LAMA2: variants seen among roughly 807,000 people sequenced by gnomAD.
The protein encoded by LAMA2 is laminin subunit alpha 2.
Under a neutral mutation model 364.8 loss-of-function variants are expected in LAMA2, and 269 were observed. That is an observed-to-expected ratio of 0.74 (90% confidence interval 0.67 to 0.82). The LOEUF (loss-of-function observed/expected upper bound fraction) is 0.82. LAMA2 is among the 40% of genes least tolerant of loss of function. LAMA2 has a pLI of 0.00. For missense variants in LAMA2, 3,807 were observed against 3,873.2 expected, an observed-to-expected ratio of 0.98 and a Z score of 0.45; for synonymous variants, 1,379 against 1,370.6, an observed-to-expected ratio of 1.01 and a Z score of -0.14.
At chr6:129,225,923 T>G (rs1784233397) in intron 12 of LAMA2, among the ~76,000 whole-genome samples, 1 of 152,222 alleles carries the variant, frequency 6.6e-6, no homozygotes, top group Admixed American at 6.5e-5. Context: ...TGTCTAATGT[T>G]GACAGTGGGG....
intron 1 of LAMA2, among the ~76,000 whole-genome samples, chr6:128,965,372 T>G (rs894410462): frequency 5.9e-5 from 9 of 152,100 alleles, no homozygotes; most frequent in Admixed American, 4.6e-4. Context: ...TAAAACTCTT[T>G]AAATACTAAT....
intron 3 of LAMA2, among the ~76,000 whole-genome samples, chr6:129,095,879 C>T (rs758460165): frequency 4.7e-4 from 71 of 151,704 alleles, no homozygotes; most frequent in Middle Eastern, 3.4e-3. Context: ...GCCAAGCTTG[C>T]GCCATTGCAC....
At chr6:129,420,492 G>A (rs1365856307) in intron 40 of LAMA2, among the ~76,000 whole-genome samples, 1 of 151,976 alleles carries the variant, frequency 6.6e-6, no homozygotes, top group Admixed American at 6.6e-5. Flanking sequence ...ATTAACCCCT[G>A]TGGAAATGTG....
At chr6:129,383,865 T>C (rs1778834553) in intron 35 of LAMA2, among the ~76,000 whole-genome samples, 1 of 152,204 alleles carries the variant, frequency 6.6e-6, no homozygotes, top group African/African-American at 2.4e-5. Flanking sequence ...ACCTAGTCCT[T>C]AAATATCTGT....
rs371245638 is a variant in LAMA2 at position 129,255,036 on chromosome 6, A to G, written c.2096+2741A>G. ...CAATGAAATGTGGTAGAAATGATGTATTTTTTTTTTTCCTGAGGTAAACAT... is the reference window on the plus strand; with the variant it reads ...CAATGAAATGTGGTAGAAATGATGTGTTTTTTTTTTTCCTGAGGTAAACAT... On this transcript the variant is annotated intron_variant, in intron 14 of 64. Transcript: ENST00000421865. 1.3e-4 allele frequency among the ~76,000 whole-genome samples: 19 copies of G among 146,972 alleles called. No homozygotes were observed. In the South Asian group the frequency reaches 2.4e-3, roughly 18 times the overall value.
chr6:129,329,247 C>T lies in LAMA2; in HGVS notation c.4311+835C>T, dbSNP rs2494579. 2.9e-3 allele frequency among the ~76,000 whole-genome samples: 447 copies of T among 152,294 alleles called. 1 individual carries two copies. Among genetic ancestry groups the T allele is most frequent in the African/African-American group, 1.0e-2 (414 of 41,576 alleles). On this transcript the variant is annotated intron_variant, in intron 29 of 64. Transcript: ENST00000421865. ...ACTCATGGTCAAAACAGGCAAAATA[C>T]CCCGCAGAATCCTCCTCTTCCCTCA...
chr6:129,451,411 G>A (rs1329234433), intron 45 of LAMA2, among the ~76,000 whole-genome samples: 1 of 152,104 alleles, frequency 6.6e-6, no homozygotes, highest in African/African-American at 2.4e-5. Context: ...CCACCTTTTT[G>A]GGGAAGGCAA....
At chr6:129,097,165 A>G (rs561938330) in intron 3 of LAMA2, among the ~76,000 whole-genome samples, 40 of 152,326 alleles carry the variant, frequency 2.6e-4, no homozygotes, top group Middle Eastern at 3.4e-3. Flanking sequence ...AGTCAAGAAC[A>G]TATCATACTG....
At chr6:129,297,549 A>G (rs966661213) in intron 20 of LAMA2, 136 bp from the exon 21 acceptor site, 35 of 777,546 alleles carry the variant, frequency 4.5e-5, no homozygotes, top group Middle Eastern at 3.6e-4. Flanking sequence ...TGAAAACCCA[A>G]TTGTCATAAC....
chr6:129,478,885 C>T, intron 54 of LAMA2, 72 bp downstream of exon 54: 2 of 1,305,944 alleles, frequency 1.5e-6, no homozygotes, highest in Non-Finnish European at 2.2e-6. Flanking sequence ...GCTGCTCCTA[C>T]AAGGATCAGT....
In LAMA2 at chr6:128,883,321, C is replaced by T. The variant is rs768810174; in HGVS notation, c.76C>T (p.Gln26Ter). 6.3e-7 allele frequency: 1 copy of T among 1,598,344 alleles called. No individual in the cohort carries two copies. Among genetic ancestry groups the T allele is most frequent in the Non-Finnish European group, 8.5e-7 (1 of 1,172,796 alleles). The change falls in exon 1 of 65, where the codon CAG becomes TAG. Residue 26 changes from glutamine (Q) to a stop codon, truncating the protein, a stop_gained. Transcript: ENST00000421865. LOFTEE classifies it high-confidence loss of function. The part of the protein sequence containing the change: ...GLGGVQAQRP[Q>*]QQRQSQAHQQ... Reference sequence around the variant, plus strand: ...CGGGGGCGTACAGGCGCAGCGGCCGCAGCAGCAGCGGCAGTCACAGGCACA... The same window carrying T: ...CGGGGGCGTACAGGCGCAGCGGCCGTAGCAGCAGCGGCAGTCACAGGCACA...
chr6:129,256,802 T>TATATA (rs1786724475), intron 14 of LAMA2, among the ~76,000 whole-genome samples: 1 of 60,248 alleles, frequency 1.7e-5, no homozygotes, highest in Non-Finnish European at 4.1e-5. Context: ...ATATATATAG[T>TATATA]GGGTAGAAAA....
intron 1 of LAMA2, among the ~76,000 whole-genome samples, chr6:128,975,274 G>C (rs1408995041): frequency 6.6e-6 from 1 of 152,184 alleles, no homozygotes; most frequent in African/African-American, 2.4e-5. Flanking sequence ...AAGAGTTAGG[G>C]AAGACTTCCC....
intron 20 of LAMA2, among the ~76,000 whole-genome samples, chr6:129,294,007 G>T (rs757391076): frequency 6.6e-6 from 1 of 152,076 alleles, no homozygotes. Context: ...GTCTGCTTAC[G>T]TACTCCAAGA....
chr6:128,924,876 A>G (rs542696457), intron 1 of LAMA2, among the ~76,000 whole-genome samples: 2 of 152,310 alleles, frequency 1.3e-5, no homozygotes, highest in South Asian at 2.1e-4. Flanking sequence ...TACAGAATAT[A>G]CATGCTTAAG....
At chr6:129,407,995 G>A (rs1374543041) in intron 40 of LAMA2, among the ~76,000 whole-genome samples, 1 of 152,202 alleles carries the variant, frequency 6.6e-6, no homozygotes, top group East Asian at 1.9e-4. Flanking sequence ...CAATTGGCCA[G>A]GTGGTAATCT....
intron 1 of LAMA2, among the ~76,000 whole-genome samples, chr6:128,969,029 T>C (rs1210823359): frequency 6.6e-6 from 1 of 152,152 alleles, no homozygotes; most frequent in African/African-American, 2.4e-5. Flanking sequence ...TTCTATAATT[T>C]CCAAGCTCTG....
chr6:129,151,013 C>T (rs1010097705), intron 7 of LAMA2, among the ~76,000 whole-genome samples: 2 of 152,158 alleles, frequency 1.3e-5, no homozygotes, highest in African/African-American at 4.8e-5. Context: ...AGTTGCTGAG[C>T]CTTTACTAAA....
Position 128,883,155 on chromosome 6 carries a change from C to G in LAMA2, c.-91C>G. 2 of 1,279,884 alleles carry G rather than the reference C, an allele frequency of 1.6e-6. No individual in the cohort carries two copies. The highest frequency in any genetic ancestry group is 2.2e-6 in the Non-Finnish European group (2 of 913,944). 79.3% of individuals were successfully genotyped at this position (1,279,884 alleles called of 1,614,324 possible). A position where few individuals can be genotyped will look rare whatever the true frequency, so the allele number is the denominator to read the frequency against. On this transcript the variant is annotated 5_prime_UTR_variant, in exon 1 of 65. Coordinates refer to ENST00000421865, the MANE Select transcript of LAMA2 (RefSeq NM_000426.4). ...GTCTCCTCCTCTTCCCCAGCAGCTG[C>G]TGCTCGCTCAGCTCACAAGCCAAGG...
Sources: gnomAD v4.1 joint callset for allele counts (sites outside exome capture counted in the v4.1 genomes callset) on GRCh38, gnomAD v4.1.1 for gene constraint, MANE v1.5 for transcripts, NCBI Gene and HGNC (gene_info 2026-07-23, HGNC 2026-07-21) for gene names.